Variants in EFCAB6 observed in about 807,000 individuals in gnomAD.
The protein encoded by EFCAB6 is EF-hand calcium-binding domain-containing protein 6.
EFCAB6 carries 156 observed loss-of-function variants against 169.8 expected under a neutral mutation model. That is an observed-to-expected ratio of 0.92 (90% confidence interval 0.81 to 1.05). EFCAB6 has a LOEUF of 1.05. EFCAB6 is among the 50% of genes least tolerant of loss of function. The pLI is 0.00. For synonymous variants in EFCAB6, 698 were observed against 676.4 expected, an observed-to-expected ratio of 1.03 and a Z score of -0.50; for missense variants, 1,800 against 1,829.1, an observed-to-expected ratio of 0.98 and a Z score of 0.29.
intron 26 of EFCAB6, among the ~76,000 whole-genome samples, chr22:43,561,962 G>A (rs969515930): frequency 1.3e-5 from 2 of 152,124 alleles, no homozygotes; most frequent in Admixed American, 6.5e-5. Flanking sequence ...GCGGGGGCTC[G>A]GCTGGGCCCG....
chr22:43,738,831 C>T (rs1161402216), intron 6 of EFCAB6, among the ~76,000 whole-genome samples: 1 of 152,148 alleles, frequency 6.6e-6, no homozygotes, highest in African/African-American at 2.4e-5. Context: ...TTCCCCACAC[C>T]CACTTGCAGC....
chr22:43,621,140 G>T (rs1602666260), intron 20 of EFCAB6, among the ~76,000 whole-genome samples: 1 of 150,918 alleles, frequency 6.6e-6, no homozygotes, highest in East Asian at 1.9e-4. Context: ...CCAGGCTGGA[G>T]TGCAGTGGTG....
chr22:43,645,263 T>C (rs575758890), intron 17 of EFCAB6, among the ~76,000 whole-genome samples: 1 of 152,368 alleles, frequency 6.6e-6, no homozygotes. Context: ...GTGATAGAAG[T>C]AGCATGTTGC....
At chr22:43,636,881 A>T (rs918926411) in intron 17 of EFCAB6, among the ~76,000 whole-genome samples, 3 of 152,032 alleles carry the variant, frequency 2.0e-5, no homozygotes, top group Non-Finnish European at 2.9e-5. Flanking sequence ...AAATGCTGAG[A>T]CATGAGCCAC....
At chr22:43,720,816 T>C (rs950409612) in intron 8 of EFCAB6, among the ~76,000 whole-genome samples, 5 of 151,088 alleles carry the variant, frequency 3.3e-5, no homozygotes, top group Middle Eastern at 3.2e-3. Flanking sequence ...AACCAAACAA[T>C]GGAATGGAAA....
At position 43,806,811 on chromosome 22, in the gene EFCAB6, TAAAC is replaced by T. The variant is rs1048085231; in HGVS notation, c.-8+2180_-8+2183del. ...CTTCAGGAGACCTTCCTATTGTCCT[TAAAC>T]AAAATTAATCATGCCTTTACAAAGA... On this transcript the variant is annotated intron_variant, in intron 2 of 31. Transcript: ENST00000262726. Among the ~76,000 whole-genome samples, 7 of 152,272 alleles carry T rather than the reference TAAAC, an allele frequency of 4.6e-5. No individual in the cohort carries two copies. In the East Asian group the frequency reaches 7.7e-4, roughly 17 times the overall value.
At chr22:43,751,810 A>G (rs1016585588) in intron 6 of EFCAB6, among the ~76,000 whole-genome samples, 2 of 152,214 alleles carry the variant, frequency 1.3e-5, no homozygotes, top group African/African-American at 4.8e-5. Context: ...AGTAAGCATC[A>G]ACATATGCCT....
chr22:43,611,772 T>C (rs1309685536), intron 21 of EFCAB6, among the ~76,000 whole-genome samples: 1 of 152,138 alleles, frequency 6.6e-6, no homozygotes, highest in Non-Finnish European at 1.5e-5. Flanking sequence ...CACTCCAGCC[T>C]GGGTGACAGA....
intron 13 of EFCAB6, 88 bp from the exon 14 acceptor site, chr22:43,672,393 C>G (rs1569356692): frequency 7.2e-7 from 1 of 1,388,126 alleles, no homozygotes; most frequent in South Asian, 1.3e-5. Flanking sequence ...GACTGGAATC[C>G]TAGCTCTGTC....
At chr22:43,724,779 C>G (rs923748225) in intron 8 of EFCAB6, among the ~76,000 whole-genome samples, 11 of 152,228 alleles carry the variant, frequency 7.2e-5, no homozygotes, top group African/African-American at 2.4e-5. Context: ...CAGAATCACC[C>G]ATAATGCTTT....
At chr22:43,656,102 G>A (rs924969203) in intron 17 of EFCAB6, among the ~76,000 whole-genome samples, 4 of 152,150 alleles carry the variant, frequency 2.6e-5, no homozygotes, top group Non-Finnish European at 5.9e-5. Context: ...ACAAAAATGT[G>A]GTAAGGGGCC....
At chr22:43,709,927 AG>A (rs766766038) in intron 10 of EFCAB6, among the ~76,000 whole-genome samples, 153 of 152,278 alleles carry the variant, frequency 1.0e-3, no homozygotes, top group Admixed American at 4.8e-3. Context: ...GGAGCTGGCA[AG>A]GAAAGTGGGG....
intron 10 of EFCAB6, among the ~76,000 whole-genome samples, chr22:43,704,239 C>T (rs907872707): frequency 5.3e-5 from 8 of 151,990 alleles, no homozygotes; most frequent in East Asian, 1.9e-4. Flanking sequence ...GAAAAAAACC[C>T]TGACAACCGA....
At chr22:43,804,419 A>G (rs2062836916) in intron 2 of EFCAB6, among the ~76,000 whole-genome samples, 1 of 152,298 alleles carries the variant, frequency 6.6e-6, no homozygotes, top group East Asian at 1.9e-4. Flanking sequence ...AAGGAGCTAG[A>G]AAAGCCAGAA....
chr22:43,602,565 T>A (rs374185480), intron 22 of EFCAB6, among the ~76,000 whole-genome samples: 7 of 152,234 alleles, frequency 4.6e-5, no homozygotes, highest in South Asian at 2.1e-4. Flanking sequence ...TTGAACTACA[T>A]CAGGACTCTA....
intron 27 of EFCAB6, chr22:43,553,640 G>A (rs1230542797): frequency 2.6e-5 from 4 of 152,404 alleles, no homozygotes; most frequent in Non-Finnish European, 5.9e-5. Flanking sequence ...CTGGTGTTCA[G>A]TGTGACTATG....
At chr22:43,551,536 T>C (rs1160227267) in intron 27 of EFCAB6, among the ~76,000 whole-genome samples, 1 of 152,206 alleles carries the variant, frequency 6.6e-6, no homozygotes, top group Non-Finnish European at 1.5e-5. Context: ...TTATTTTAGT[T>C]TCAAGGGTAC....
rs978174988 is a variant in EFCAB6 at position 43,561,235 on chromosome 22, T to C, written c.3421-6139A>G. 2.6e-5 allele frequency among the ~76,000 whole-genome samples: 4 copies of C among 151,874 alleles called. No homozygotes were observed. In the South Asian group the frequency reaches 8.3e-4, roughly 32 times the overall value. ...AGCCAGGCGTGGTGGCGGGAGCCTG[T>C]AGTCCCAGCTACTCAGGGGGCTGAG... On this transcript the variant is annotated intron_variant, in intron 26 of 31. Transcript: ENST00000262726.
At chr22:43,649,864 C>A (rs954724402) in intron 17 of EFCAB6, among the ~76,000 whole-genome samples, 1 of 152,160 alleles carries the variant, frequency 6.6e-6, no homozygotes, top group Non-Finnish European at 1.5e-5. Context: ...GGGCTCAGGA[C>A]TGGGGCAGAC....
Sources: gnomAD v4.1 joint callset for allele counts (sites outside exome capture counted in the v4.1 genomes callset) on GRCh38, gnomAD v4.1.1 for gene constraint, MANE v1.5 for transcripts, NCBI Gene and HGNC (gene_info 2026-07-23, HGNC 2026-07-21) for gene names.